The following SLIT3 variants were observed in gnomAD, a reference collection of about 807,000 sequenced individuals.
SLIT3 encodes the protein slit guidance ligand 3.
In SLIT3, 68 loss-of-function variants were observed where a neutral mutation model predicts 184.0. The ratio of observed to expected loss-of-function variants is 0.37; its 90% CI spans 0.30 to 0.45. The LOEUF is 0.45. SLIT3 is among the 20% of genes least tolerant of loss of function. The pLI, the probability that SLIT3 is intolerant of heterozygous loss-of-function variation, is 1.00. For synonymous variants in SLIT3, 831 were observed against 828.6 expected (o/e 1.00, Z -0.05); for missense variants, 1,707 against 2,026.0 (o/e 0.84, Z 3.02).
intron 21 of SLIT3, among the ~76,000 whole-genome samples, chr5:168,724,085 A>G (rs1763031513): frequency 6.6e-6 from 1 of 152,198 alleles, no homozygotes; most frequent in Non-Finnish European, 1.5e-5. Flanking sequence ...CCAACAACGA[A>G]TAATTAACCC....
intron 14 of SLIT3, among the ~76,000 whole-genome samples, chr5:168,767,183 G>A (rs1199208754): frequency 6.6e-6 from 1 of 152,172 alleles, no homozygotes; most frequent in Non-Finnish European, 1.5e-5. Flanking sequence ...ACTAAGCAAT[G>A]GTTGGGCTCC....
At chr5:168,907,720 A>G (rs985290903) in intron 4 of SLIT3, among the ~76,000 whole-genome samples, 4 of 151,940 alleles carry the variant, frequency 2.6e-5, no homozygotes, top group South Asian at 2.1e-4. Flanking sequence ...TTTCTGTTCA[A>G]AATAACCACT....
At chr5:168,878,022 T>G (rs137860250) in intron 5 of SLIT3, among the ~76,000 whole-genome samples, 1 of 152,222 alleles carries the variant, frequency 6.6e-6, no homozygotes, top group Non-Finnish European at 1.5e-5. Context: ...CTTTTCGCTG[T>G]GCCTTTGCCC....
At chr5:169,048,958 A>G in intron 4 of SLIT3, among the ~76,000 whole-genome samples, 1 of 152,180 alleles carries the variant, frequency 6.6e-6, no homozygotes, top group Non-Finnish European at 1.5e-5. Flanking sequence ...TTAGAAGTTG[A>G]GAGTGACGCC....
At chr5:169,018,702 AT>A (rs1307309015) in intron 4 of SLIT3, 3 of 152,146 alleles carry the variant, frequency 2.0e-5, no homozygotes, top group Non-Finnish European at 4.4e-5. Context: ...CACTGTATTG[AT>A]TTGCTCTTCA....
intron 4 of SLIT3, among the ~76,000 whole-genome samples, chr5:169,185,406 G>GA (rs1488143485): frequency 6.6e-6 from 1 of 152,194 alleles, no homozygotes; most frequent in Non-Finnish European, 1.5e-5. Flanking sequence ...GCGCACAAGG[G>GA]AGCAGGTCTC....
rs1760886409 is a variant in SLIT3, at chr5:168,662,324, C to T, written c.*4130G>A. ...CACTTGTTGCTATGGGCTTCTGCTC[C>T]CAGCAAAGGCAGTGGGTGACTGCTT... On this transcript the variant is annotated 3_prime_UTR_variant, in exon 36 of 36. Transcript: ENST00000519560. 1 of 152,252 alleles carries T rather than the reference C, an allele frequency of 6.6e-6. No individual in the cohort carries two copies. Among genetic ancestry groups the T allele is most frequent in the Non-Finnish European group, 1.5e-5 (1 of 68,076 alleles). The allele number at this position is 152,252 out of a possible 1,614,324, so 9.4% of individuals were successfully genotyped here. A position where few individuals can be genotyped will look rare whatever the true frequency, so the allele number is the denominator to read the frequency against.
chr5:168,703,988 C>T (rs528217499), intron 26 of SLIT3, among the ~76,000 whole-genome samples: 1 of 150,402 alleles, frequency 6.6e-6, no homozygotes, highest in African/African-American at 2.4e-5. Flanking sequence ...GGAACAGCTG[C>T]CCTCATTGGA....
chr5:168,884,691 A>T (rs1245854111), intron 4 of SLIT3, among the ~76,000 whole-genome samples: 1 of 151,006 alleles, frequency 6.6e-6, no homozygotes, highest in Non-Finnish European at 1.5e-5. Flanking sequence ...TGATATCAAC[A>T]TTTTTAATGG....
intron 4 of SLIT3, among the ~76,000 whole-genome samples, chr5:169,033,895 C>T (rs1160347616): frequency 1.3e-5 from 2 of 151,118 alleles, no homozygotes; most frequent in Non-Finnish European, 2.9e-5. Flanking sequence ...TCACTGCAAC[C>T]TCCACCTCCC....
At chr5:168,851,292 G>A (rs1374219499) in intron 5 of SLIT3, among the ~76,000 whole-genome samples, 3 of 146,132 alleles carry the variant, frequency 2.1e-5, no homozygotes, top group African/African-American at 7.6e-5. Flanking sequence ...AACTGCACTC[G>A]AGCCTGGGCG....
At chr5:168,993,751 C>G (rs926487188) in intron 4 of SLIT3, among the ~76,000 whole-genome samples, 1 of 152,094 alleles carries the variant, frequency 6.6e-6, no homozygotes, top group African/African-American at 2.4e-5. Flanking sequence ...GCACAGAAAT[C>G]TATCACCTTG....
intron 4 of SLIT3, among the ~76,000 whole-genome samples, chr5:169,058,358 C>T (rs1758075860): frequency 3.9e-5 from 6 of 152,072 alleles, no homozygotes; most frequent in Admixed American, 3.9e-4. Flanking sequence ...ACAAGGGAAG[C>T]CAGGAAGGTG....
intron 6 of SLIT3, among the ~76,000 whole-genome samples, chr5:168,840,038 C>T (rs1581133514): frequency 6.6e-6 from 1 of 152,312 alleles, no homozygotes; most frequent in Non-Finnish European, 1.5e-5. Flanking sequence ...CCTGGAGACA[C>T]CTAAGGTCCT....
At chr5:169,058,718 T>C (rs1361810055) in intron 4 of SLIT3, among the ~76,000 whole-genome samples, 1 of 152,184 alleles carries the variant, frequency 6.6e-6, no homozygotes, top group African/African-American at 2.4e-5. Context: ...ATGGATTGCA[T>C]TCATTTCTAA....
intron 6 of SLIT3, among the ~76,000 whole-genome samples, chr5:168,832,934 T>C (rs568301078): frequency 6.6e-6 from 1 of 152,282 alleles, no homozygotes; most frequent in East Asian, 1.9e-4. Flanking sequence ...GAAAAAAATA[T>C]AGTAAGAAAA....
intron 4 of SLIT3, among the ~76,000 whole-genome samples, chr5:169,114,904 C>T (rs1319474456): frequency 6.6e-6 from 1 of 152,198 alleles, no homozygotes; most frequent in Non-Finnish European, 1.5e-5. Flanking sequence ...GCTAAATTCT[C>T]CCAATTAGGC....
intron 5 of SLIT3, among the ~76,000 whole-genome samples, chr5:168,867,521 G>A (rs887809638): frequency 2.6e-5 from 4 of 152,336 alleles, no homozygotes; most frequent in African/African-American, 9.6e-5. Flanking sequence ...TGACTTTGAA[G>A]AAGTAGGGCA....
At position 168,806,607 on chromosome 5, in the gene SLIT3, C is replaced by CG. The variant is rs1561943282; in HGVS notation, c.794-21dup. 2 of 1,613,638 alleles carry CG rather than the reference C, an allele frequency of 1.2e-6. No individual in the cohort carries two copies. Among genetic ancestry groups the CG allele is most frequent in the African/African-American group, 2.7e-5 (2 of 74,922 alleles). ...GGGGGGCTGTGGAGCCAAGACACAACGGTCAACTTATGTCAGTGTCAGGAG... is the reference window on the plus strand; with the variant it reads ...GGGGGGCTGTGGAGCCAAGACACAACGGGTCAACTTATGTCAGTGTCAGGAG... On this transcript the variant is annotated intron_variant, in intron 8 of 35. Transcript: ENST00000519560.
Sources: allele counts gnomAD v4.1 joint callset (sites outside exome capture counted in the v4.1 genomes callset), GRCh38; gene constraint gnomAD v4.1.1; transcripts MANE v1.5; gene names NCBI Gene and HGNC (gene_info 2026-07-23, HGNC 2026-07-21).